PEG3: variants seen among roughly 807,000 people sequenced by gnomAD.
The protein encoded by PEG3 is paternally-expressed gene 3 protein.
In PEG3, 23 loss-of-function variants were observed where a neutral mutation model predicts 35.5. The observed-to-expected ratio is 0.65, with a 90% CI of 0.47 to 0.92. The LOEUF is 0.92. PEG3 is among the 40% of genes least tolerant of loss of function. The probability of loss-of-function intolerance (pLI) is 0.00; values close to 1 mark genes in which losing one functional copy is unlikely to be tolerated. For missense variants in PEG3, 1,960 were observed against 1,985.3 expected, an observed-to-expected ratio of 0.99 and a Z score of 0.24; for synonymous variants, 707 against 697.0, an observed-to-expected ratio of 1.01 and a Z score of -0.23.
rs762185014 is a variant in PEG3 at position 56,824,417 on chromosome 19, C to A, written c.239G>T (p.Arg80Leu). Residue 80 changes from arginine to leucine, a missense_variant, in exon 4 of 10, where the codon CGC becomes CTC. Arg to Leu is a moderately radical substitution (Grantham distance 102). Coordinates refer to ENST00000326441, the MANE Select transcript of PEG3 (RefSeq NM_006210.3). ...LCLDWLQPET[R>L]TKEEIIELLV... ...GAGCTCGATGATCTCCTCCTTGGTG[C>A]GGGTCTCCGGCTGCAACCAATCGAG... The A allele has an allele frequency of 1.9e-6, 3 of 1,614,094 alleles. No individual in the cohort carries two copies. The highest frequency in any genetic ancestry group is 1.7e-4 in the Middle Eastern group (1 of 6,060).
rs1467861087 is a variant in PEG3 at position 56,824,428 on chromosome 19, C to T, written c.228G>A (p.Gln76=). 2.5e-6 allele frequency: 4 copies of T among 1,614,178 alleles called. No individual in the cohort carries two copies. Among genetic ancestry groups the T allele is most frequent in the Non-Finnish European group, 3.4e-6 (4 of 1,180,028 alleles). ...TCTCCTCCTTGGTGCGGGTCTCCGGCTGCAACCAATCGAGGCAGAGGTTTC... is the reference window on the plus strand; with the variant it reads ...TCTCCTCCTTGGTGCGGGTCTCCGGTTGCAACCAATCGAGGCAGAGGTTTC... ...KLRNLCLDWL[Q]PETRTKEEII... is the part of the protein sequence containing the mutation. The change falls in exon 4 of 10, where the codon CAG becomes CAA. Residue 76 remains glutamine (Q), a synonymous_variant. Transcript: ENST00000326441.
Position 56,817,850 on chromosome 19 carries a change from G to T in PEG3, c.773-15C>A. The T allele has an allele frequency of 6.2e-7, 1 of 1,609,088 alleles. No homozygotes were observed. The highest frequency in any genetic ancestry group is 1.1e-5 in the South Asian group (1 of 90,714). On this transcript the variant is annotated splice_polypyrimidine_tract_variant and intron_variant, in intron 8 of 9. Transcript: ENST00000326441. ...AGCAAGCTGCACTCCTGGTCACAAG[G>T]ACAATATGATGCCTCAAATTCAAGT... is the stretch of plus-strand genomic sequence containing the variant.
chr19:56,824,483 AC>A lies in PEG3; in HGVS notation c.172del (p.Val58LeufsTer7). 1 of 1,614,140 alleles carries A rather than the reference AC, an allele frequency of 6.2e-7. No homozygotes were observed. The highest frequency in any genetic ancestry group is 1.3e-5 in the African/African-American group (1 of 75,046). On this transcript the variant is annotated frameshift_variant, in exon 4 of 10. Transcript: ENST00000326441. LOFTEE classifies it high-confidence loss of function. Reference protein sequence around the residue: ...RFRNLIYVEFVGPRKTLIKLR... With the variant: ...RFRNLIYVEFXGPRKTLIKLR... ...TTTGATCAGGGTCTTCCGAGGCCCA[AC>A]AAATTCCACATAGATTAGGTTCCGA...
intron 6 of PEG3, among the ~76,000 whole-genome samples, chr19:56,822,266 T>C (rs900386150): frequency 2.6e-5 from 4 of 152,302 alleles, no homozygotes; most frequent in African/African-American, 9.6e-5. Flanking sequence ...AGGAAATGAT[T>C]TCCAGCAGTA....
At chr19:56,817,640 G>T in intron 9 of PEG3, 61 bp from the exon 10 acceptor site, 4 of 1,517,070 alleles carry the variant, frequency 2.6e-6, no homozygotes, top group Non-Finnish European at 2.7e-6. Context: ...AGTGGGACTT[G>T]GAGGGGTGCA....
At chr19:56,836,694 C>T (rs141548794) in intron 1 of PEG3, among the ~76,000 whole-genome samples, 3 of 152,124 alleles carry the variant, frequency 2.0e-5, no homozygotes, top group African/African-American at 4.8e-5. Flanking sequence ...AAAGGATGGG[C>T]GCAGTGACTC....
intron 7 of PEG3, among the ~76,000 whole-genome samples, chr19:56,820,895 A>G (rs563772773): frequency 6.6e-6 from 1 of 152,194 alleles, no homozygotes; most frequent in Admixed American, 6.5e-5. Flanking sequence ...AGGAAGGCTC[A>G]GCCCAATGGC....
In PEG3 at chr19:56,817,157, T is replaced by C; in HGVS notation, c.1285A>G (p.Ser429Gly). The change falls in exon 10 of 10, where the codon AGC becomes GGC. Residue 429 changes from serine to glycine, a missense_variant. Around this residue, in one of 5 missense-constraint regions of PEG3, gnomAD observed 613 missense variants for 577.1 expected, o/e 1.06. Coordinates refer to ENST00000326441, the MANE Select transcript of PEG3 (RefSeq NM_006210.3). ...GSEMRKAMSV[S>G]SLSSLSSPSF... is the part of the protein sequence containing the mutation. ...GGGGAGCTGAGGCTGCTCAGGCTGC[T>C]CACGCTCATGGCTTTTCTCATCTCA... 1 of 1,614,236 alleles carries C rather than the reference T, an allele frequency of 6.2e-7. No homozygotes were observed. Among genetic ancestry groups the C allele is most frequent in the Non-Finnish European group, 8.5e-7 (1 of 1,180,040 alleles).
chr19:56,814,415 G>A lies in PEG3; in HGVS notation c.4027C>T (p.His1343Tyr). 2 of 1,613,940 alleles carry A rather than the reference G, an allele frequency of 1.2e-6. No homozygotes were observed. The highest frequency in any genetic ancestry group is 1.7e-6 in the Non-Finnish European group (2 of 1,179,830). ...TTATGTTTAGTGAGGACTGTGCTATGAATAAAGGACTTACCACAATCCTTG... is the reference window on the plus strand; with the variant it reads ...TTATGTTTAGTGAGGACTGTGCTATAAATAAAGGACTTACCACAATCCTTG... Reference protein sequence around the residue: ...ECKDCGKSFIHSTVLTKHKEL... With the variant: ...ECKDCGKSFIYSTVLTKHKEL... Residue 1343 changes from histidine to tyrosine, a missense_variant, in exon 10 of 10, where the codon CAT (histidine) becomes TAT (tyrosine). Around this residue, in one of 5 missense-constraint regions of PEG3, gnomAD observed 416 missense variants for 416.7 expected, o/e 1.00. Coordinates refer to ENST00000326441, the MANE Select transcript of PEG3 (RefSeq NM_006210.3). The surrounding 1 kb of genome is among the most constrained non-coding windows in gnomAD (Gnocchi z 5.8).
Position 56,812,232 on chromosome 19 carries a change from C to T in PEG3, c.*1443G>A. On this transcript the variant is annotated 3_prime_UTR_variant, in exon 10 of 10. Coordinates refer to ENST00000326441, the MANE Select transcript of PEG3 (RefSeq NM_006210.3). ...GAAGCAAAGGAGCACAGGTAGTCCA[C>T]AGAATAGGACACAAGAAACCTCAAG... 1.0e-6 allele frequency: 1 copy of T among 979,818 alleles called. No individual in the cohort carries two copies. Among genetic ancestry groups the T allele is most frequent in the Non-Finnish European group, 1.2e-6 (1 of 825,154 alleles). 60.7% of individuals were successfully genotyped at this position (979,818 alleles called of 1,614,324 possible). A position where few individuals can be genotyped will look rare whatever the true frequency, so the allele number is the denominator to read the frequency against.
intron 7 of PEG3, among the ~76,000 whole-genome samples, chr19:56,821,265 G>A (rs771827890): frequency 1.7e-4 from 26 of 152,210 alleles, no homozygotes; most frequent in Admixed American, 3.3e-4. Context: ...CCCAGCTCCT[G>A]TCAGCTCCAG....
Position 56,812,252 on chromosome 19 carries a change from C to G in PEG3, c.*1423G>C, listed in dbSNP as rs535566507. 6 of 979,254 alleles carry G rather than the reference C, an allele frequency of 6.1e-6. No homozygotes were observed. In the South Asian group the frequency reaches 2.4e-4, roughly 39 times the overall value. 60.7% of individuals were successfully genotyped at this position (979,254 alleles called of 1,614,324 possible). On this transcript the variant is annotated 3_prime_UTR_variant, in exon 10 of 10. Coordinates refer to ENST00000326441, the MANE Select transcript of PEG3 (RefSeq NM_006210.3). ...GTCCACAGAATAGGACACAAGAAACCTCAAGCTGTGAGGTCAATTTGTAAT... is the reference window on the plus strand; with the variant it reads ...GTCCACAGAATAGGACACAAGAAACGTCAAGCTGTGAGGTCAATTTGTAAT...
chr19:56,817,947 A>C, intron 8 of PEG3, 112 bp from the exon 9 acceptor site: 1 of 772,636 alleles, frequency 1.3e-6, no homozygotes, highest in Non-Finnish European at 2.2e-6. Context: ...GGTGGCCCAC[A>C]TCTGATTCCT....
chr19:56,839,020 G>T (rs887324195), intron 1 of PEG3, among the ~76,000 whole-genome samples: 1 of 149,984 alleles, frequency 6.7e-6, no homozygotes, highest in Non-Finnish European at 1.5e-5. Flanking sequence ...ACGCCTGCGC[G>T]GCAAACCTCA....
Position 56,812,773 on chromosome 19 carries a change from T to A in PEG3, c.*902A>T. 1 of 984,436 alleles carries A rather than the reference T, an allele frequency of 1.0e-6. No homozygotes were observed. The highest frequency in any genetic ancestry group is 1.2e-6 in the Non-Finnish European group (1 of 829,120). The allele number at this position is 984,436 out of a possible 1,614,324, so 61.0% of individuals were successfully genotyped here. A position where few individuals can be genotyped will look rare whatever the true frequency, so the allele number is the denominator to read the frequency against. On this transcript the variant is annotated 3_prime_UTR_variant, in exon 10 of 10. Transcript: ENST00000326441. ...GATGTAAGATTTACAGGGAAAAGCTTCGGGTTTTATCAATTCACTATCATC... is the reference window on the plus strand; with the variant it reads ...GATGTAAGATTTACAGGGAAAAGCTACGGGTTTTATCAATTCACTATCATC...
rs1025430934 is a variant in PEG3, at chr19:56,814,638, G to A, written c.3804C>T (p.Ala1268=). ...MAEEAIIPGL[A]LTEFQRSQTE... ...TCTGACTTCTCTGAAACTCAGTGAGGGCTAAGCCTGGAATGATAGCTTCCT... is the reference window on the plus strand; with the variant it reads ...TCTGACTTCTCTGAAACTCAGTGAGAGCTAAGCCTGGAATGATAGCTTCCT... The change falls in exon 10 of 10, where the codon GCC becomes GCT. Residue 1268 remains alanine, a synonymous_variant. Transcript: ENST00000326441. The surrounding 1 kb of genome is among the most constrained non-coding windows in gnomAD (Gnocchi z 5.8). The A allele has an allele frequency of 6.2e-7, 1 of 1,614,128 alleles. No individual in the cohort carries two copies. Among genetic ancestry groups the A allele is most frequent in the Non-Finnish European group, 8.5e-7 (1 of 1,180,024 alleles).
chr19:56,817,686 G>A, intron 9 of PEG3, 60 bp downstream of exon 9: 2 of 1,553,982 alleles, frequency 1.3e-6, no homozygotes, highest in South Asian at 2.2e-5. Context: ...AAGTGTAGAA[G>A]TTCCTTGATA....
intron 2 of PEG3, 44 bp from the exon 3 acceptor site, chr19:56,826,507 A>G (rs1240654736): frequency 6.6e-6 from 1 of 152,228 alleles, no homozygotes; most frequent in Non-Finnish European, 1.5e-5. Context: ...TAAGAATATG[A>G]AAGACATGTA....
At chr19:56,837,263 C>T (rs933698461) in intron 1 of PEG3, among the ~76,000 whole-genome samples, 68 of 151,934 alleles carry the variant, frequency 4.5e-4, no homozygotes, top group African/African-American at 1.6e-3. Flanking sequence ...TTAAACACAC[C>T]CCCACCTGCC....
Sources: gnomAD v4.1 joint callset for allele counts (sites outside exome capture counted in the v4.1 genomes callset) on GRCh38, gnomAD v4.1.1 for gene constraint, gnomAD v4.1.1 regional missense constraint, Gnocchi (gnomAD v3.1) non-coding constraint, MANE v1.5 for transcripts, NCBI Gene and HGNC (gene_info 2026-07-23, HGNC 2026-07-21) for gene names.